GSE1: variants seen among roughly 807,000 people sequenced by gnomAD.
GSE1 encodes genetic suppressor element 1.
A neutral mutation model predicts 112.6 loss-of-function variants in GSE1; 32 were observed. The ratio of observed to expected loss-of-function variants is 0.28; its 90% CI spans 0.21 to 0.38. The LOEUF (loss-of-function observed/expected upper bound fraction) is 0.38, where lower values mean the gene tolerates loss of function less well. GSE1 is among the 10% of genes least tolerant of loss of function. GSE1 has a pLI of 1.00. For synonymous variants in GSE1, 1,115 were observed against 735.6 expected (o/e 1.52, Z -8.35); for missense variants, 2,348 against 1,699.2 (o/e 1.38, Z -6.71).
upstream of GSE1, among the ~76,000 whole-genome samples, chr16:85,551,739 G>T (rs1246511962): frequency 6.6e-6 from 1 of 152,230 alleles, no homozygotes. Flanking sequence ...GGCCAAAGGA[G>T]GCTGGGCTAT....
chr16:85,624,336 G>A (rs1023738538), intron 1 of GSE1, among the ~76,000 whole-genome samples: 2 of 152,218 alleles, frequency 1.3e-5, no homozygotes, highest in Admixed American at 6.5e-5. Flanking sequence ...CAGCTCTGGT[G>A]CCATGGGCTA....
chr16:85,223,272 C>T (rs1041099221), intron 1 of GSE1, among the ~76,000 whole-genome samples: 1 of 152,202 alleles, frequency 6.6e-6, no homozygotes, highest in Non-Finnish European at 1.5e-5. Flanking sequence ...CCTGTAATCC[C>T]AACACTTTGG....
At chr16:85,276,752 C>T (rs898491923) in intron 1 of GSE1, among the ~76,000 whole-genome samples, 2 of 152,072 alleles carry the variant, frequency 1.3e-5, no homozygotes, top group African/African-American at 2.4e-5. Flanking sequence ...GGACCTCGCT[C>T]GTGGCCCAGC....
At chr16:85,538,055 T>C (rs559543499) in intron 2 of GSE1, among the ~76,000 whole-genome samples, 12 of 152,280 alleles carry the variant, frequency 7.9e-5, no homozygotes, top group African/African-American at 2.9e-4. Flanking sequence ...CATTTCCCAC[T>C]GGCCACCCGG....
At chr16:85,503,856 A>T (rs1390897720) in intron 2 of GSE1, among the ~76,000 whole-genome samples, 2 of 152,208 alleles carry the variant, frequency 1.3e-5, no homozygotes, top group Non-Finnish European at 2.9e-5. Context: ...CTGCAGGTAA[A>T]TAACATATTA....
upstream of GSE1, among the ~76,000 whole-genome samples, chr16:85,553,451 C>T (rs938931257): frequency 1.3e-5 from 2 of 151,712 alleles, no homozygotes; most frequent in African/African-American, 4.8e-5. Context: ...CGGGCGCGGG[C>T]GGCCCCGAGC....
chr16:85,420,099 C>G (rs745476896), intron 2 of GSE1, among the ~76,000 whole-genome samples: 2 of 109,346 alleles, frequency 1.8e-5, no homozygotes, highest in Non-Finnish European at 3.9e-5. Flanking sequence ...GAGCAGTGTG[C>G]TCAGGCCAGA....
intron 1 of GSE1, among the ~76,000 whole-genome samples, chr16:85,188,707 A>G (rs1425543650): frequency 3.3e-5 from 5 of 151,996 alleles, no homozygotes; most frequent in Admixed American, 3.3e-4. Flanking sequence ...AGGCTGAGGC[A>G]GGAGGATTAC....
At chr16:85,548,914 C>A (rs149513432) in intron 2 of GSE1, among the ~76,000 whole-genome samples, 1 of 152,102 alleles carries the variant, frequency 6.6e-6, no homozygotes, top group Non-Finnish European at 1.5e-5. Context: ...CTCAGCCTCC[C>A]GAGTAGCTGG....
At chr16:85,226,660 C>T (rs1303462256) in intron 1 of GSE1, among the ~76,000 whole-genome samples, 6 of 152,120 alleles carry the variant, frequency 3.9e-5, no homozygotes, top group Admixed American at 3.9e-4. Context: ...GGAGTCTGCA[C>T]AGGGGGCTCG....
At chr16:85,384,231 C>G (rs1037356834) in intron 2 of GSE1, among the ~76,000 whole-genome samples, 1 of 152,188 alleles carries the variant, frequency 6.6e-6, no homozygotes, top group Non-Finnish European at 1.5e-5. Flanking sequence ...GCCCCGAGAC[C>G]CTCTCCGAGA....
At chr16:85,412,725 C>G (rs1375310124) in intron 2 of GSE1, among the ~76,000 whole-genome samples, 2 of 150,132 alleles carry the variant, frequency 1.3e-5, no homozygotes, top group South Asian at 4.4e-4. Context: ...CTGTTACTCT[C>G]AGGCCCCCCG....
intron 2 of GSE1, among the ~76,000 whole-genome samples, chr16:85,647,230 G>C (rs919647889): frequency 1.3e-5 from 2 of 152,146 alleles, no homozygotes; most frequent in African/African-American, 4.8e-5. Flanking sequence ...CAGTCACCCA[G>C]GCCCAAAGCC....
intron 1 of GSE1, chr16:85,580,021 A>G (rs1189100737): frequency 6.6e-6 from 1 of 152,280 alleles, no homozygotes; most frequent in South Asian, 2.1e-4. Flanking sequence ...AGTGGAATGC[A>G]TGTTAGGGCT....
Position 85,618,755 on chromosome 16 carries a change from T to C in GSE1, c.7+5357T>C, listed in dbSNP as rs138102580. On this transcript the variant is annotated intron_variant, in intron 1 of 15. Transcript: ENST00000253458. ...TCACCACAGCCTCAAACTCCTGCGC[T>C]CAAGTGATCCTGCTGCCGCAGCCTC... Among the ~76,000 whole-genome samples, 77 of 152,276 alleles carry C rather than the reference T, an allele frequency of 5.1e-4. 1 individual carries two copies. Among genetic ancestry groups the C allele is most frequent in the African/African-American group, 1.7e-3 (72 of 41,590 alleles).
At chr16:85,267,701 C>A (rs561295101) in intron 1 of GSE1, among the ~76,000 whole-genome samples, 1 of 152,262 alleles carries the variant, frequency 6.6e-6, no homozygotes, top group South Asian at 2.1e-4. Context: ...TTTCCCTGAC[C>A]CCTGGGTTGT....
intron 1 of GSE1, among the ~76,000 whole-genome samples, chr16:85,605,561 C>T (rs893520587): frequency 6.6e-6 from 1 of 152,052 alleles, no homozygotes. Flanking sequence ...CAGGGGGACA[C>T]GTTCCTTGCA....
intron 2 of GSE1, among the ~76,000 whole-genome samples, chr16:85,453,245 A>G (rs924424912): frequency 3.9e-5 from 6 of 152,136 alleles, no homozygotes; most frequent in African/African-American, 1.2e-4. Flanking sequence ...GCTCTGTGGT[A>G]AAGTCACACG....
intron 2 of GSE1, among the ~76,000 whole-genome samples, chr16:85,487,929 C>T (rs2050893718): frequency 6.6e-6 from 1 of 152,192 alleles, no homozygotes; most frequent in Non-Finnish European, 1.5e-5. Context: ...TCACTGATGC[C>T]CCTGGCACCT....
Sources: gnomAD v4.1 joint callset for allele counts (sites outside exome capture counted in the v4.1 genomes callset) on GRCh38, gnomAD v4.1.1 for gene constraint, MANE v1.5 for transcripts, NCBI Gene and HGNC (gene_info 2026-07-23, HGNC 2026-07-21) for gene names.